The following ALK variants were observed in gnomAD, a reference collection of about 807,000 sequenced individuals.
ALK encodes the protein ALK receptor tyrosine kinase.
Under a neutral mutation model 163.1 loss-of-function variants are expected in ALK, and 74 were observed. The observed-to-expected ratio is 0.45, with a 90% CI of 0.38 to 0.55. The LOEUF (loss-of-function observed/expected upper bound fraction) is 0.55, where lower values mean the gene tolerates loss of function less well. Ranked by LOEUF, ALK falls within the 20% of genes least tolerant of loss-of-function variation. The pLI is 0.00. For missense variants in ALK, 2,063 were observed against 2,105.3 expected, an observed-to-expected ratio of 0.98 and a Z score of 0.39; for synonymous variants, 960 against 843.2, an observed-to-expected ratio of 1.14 and a Z score of -2.40.
chr2:29,885,656 G>C (rs780586173), intron 1 of ALK, among the ~76,000 whole-genome samples: 2 of 151,884 alleles, frequency 1.3e-5, no homozygotes, highest in Non-Finnish European at 2.9e-5. Context: ...GGAATTAACA[G>C]AAAATGACTT....
At chr2:29,817,205 AC>A (rs1262658951) in intron 1 of ALK, among the ~76,000 whole-genome samples, 3 of 149,158 alleles carry the variant, frequency 2.0e-5, no homozygotes, top group African/African-American at 7.4e-5. Flanking sequence ...GGTGTGTCAC[AC>A]TAAGCGGTGG....
intron 4 of ALK, among the ~76,000 whole-genome samples, chr2:29,393,722 G>A (rs1669237046): frequency 6.6e-6 from 1 of 152,236 alleles, no homozygotes; most frequent in African/African-American, 2.4e-5. Flanking sequence ...TGTCCAGAGT[G>A]ACCCTTGTGA....
intron 4 of ALK, among the ~76,000 whole-genome samples, chr2:29,517,827 G>T (rs116151964): frequency 5.1e-4 from 78 of 152,284 alleles, no homozygotes; most frequent in African/African-American, 1.7e-3. Context: ...ACTTCTGGCC[G>T]TATGATTTGT....
chr2:29,430,744 T>A (rs1670253626), intron 4 of ALK, among the ~76,000 whole-genome samples: 1 of 152,206 alleles, frequency 6.6e-6, no homozygotes, highest in Admixed American at 6.5e-5. Flanking sequence ...ATGAATACTG[T>A]TTAATGAATG....
intron 4 of ALK, among the ~76,000 whole-genome samples, chr2:29,484,983 T>C (rs971097870): frequency 1.3e-5 from 2 of 152,224 alleles, no homozygotes; most frequent in East Asian, 1.9e-4. Context: ...CTTTTGATAA[T>C]CTAAAGTTTC....
At chr2:29,807,120 A>G (rs903278646) in intron 1 of ALK, among the ~76,000 whole-genome samples, 2 of 152,306 alleles carry the variant, frequency 1.3e-5, no homozygotes, top group Non-Finnish European at 2.9e-5. Flanking sequence ...AAGCCCACAA[A>G]TAGTGCCTTG....
At chr2:29,687,803 C>T (rs2148283942) in intron 3 of ALK, among the ~76,000 whole-genome samples, 1 of 152,090 alleles carries the variant, frequency 6.6e-6, no homozygotes, top group Admixed American at 6.5e-5. Flanking sequence ...AAATATTTCC[C>T]CATATTATTC....
intron 4 of ALK, among the ~76,000 whole-genome samples, chr2:29,476,631 T>C (rs1187125631): frequency 2.0e-5 from 3 of 151,030 alleles, no homozygotes; most frequent in Non-Finnish European, 4.4e-5. Flanking sequence ...AGTTTCCCGG[T>C]GGAGAAGGAG....
chr2:29,204,431 G>T (rs1669262385), intron 26 of ALK, among the ~76,000 whole-genome samples: 1 of 152,140 alleles, frequency 6.6e-6, no homozygotes, highest in African/African-American at 2.4e-5. Flanking sequence ...TGAGAATCTG[G>T]TCAGGGATTT....
chr2:29,226,700 G>T (rs1297972051), intron 18 of ALK, among the ~76,000 whole-genome samples: 1 of 152,132 alleles, frequency 6.6e-6, no homozygotes, highest in Non-Finnish European at 1.5e-5. Context: ...GGTGGGGGTG[G>T]TAGAGGGCTT....
chr2:29,870,416 T>C (rs1206964226), intron 1 of ALK, among the ~76,000 whole-genome samples: 1 of 152,038 alleles, frequency 6.6e-6, no homozygotes, highest in Non-Finnish European at 1.5e-5. Context: ...TCATAAGAAC[T>C]CACACACTAT....
At chr2:29,620,260 G>C (rs1427510406) in intron 3 of ALK, among the ~76,000 whole-genome samples, 2 of 152,044 alleles carry the variant, frequency 1.3e-5, no homozygotes, top group African/African-American at 4.8e-5. Context: ...GGGCTGTGAG[G>C]GAAGGATCCA....
At chr2:29,818,210 A>G (rs1664950067) in intron 1 of ALK, among the ~76,000 whole-genome samples, 2 of 152,214 alleles carry the variant, frequency 1.3e-5, no homozygotes, top group South Asian at 2.1e-4. Flanking sequence ...GGATTATACA[A>G]ACACCTGCAT....
intron 5 of ALK, among the ~76,000 whole-genome samples, chr2:29,358,226 G>A (rs1046834386): frequency 2.0e-5 from 3 of 152,136 alleles, no homozygotes; most frequent in Non-Finnish European, 4.4e-5. Flanking sequence ...ACCAAGACAG[G>A]CCTTCCACTC....
rs373693980 is a variant in ALK at position 29,196,874 on chromosome 2, C to T, written c.4074-14G>A. 2.6e-5 allele frequency: 42 copies of T among 1,590,870 alleles called. No homozygotes were observed. The African/African-American group carries it at 4.4e-4, about 17-fold the overall frequency. The stretch of plus-strand genomic sequence containing the variant: ...ATTATCCGGTATCTAAAAGAAGAAG[C>T]ACATTAATTAAAATAAGGAGAAGCA... On this transcript the variant is annotated splice_polypyrimidine_tract_variant and intron_variant, in intron 27 of 28. Coordinates refer to ENST00000389048, the MANE Select transcript of ALK (RefSeq NM_004304.5).
At chr2:29,889,372 C>G (rs4281863) in intron 1 of ALK, among the ~76,000 whole-genome samples, 7 of 151,850 alleles carry the variant, frequency 4.6e-5, no homozygotes, top group African/African-American at 1.7e-4. Context: ...AGGAATGATA[C>G]CATTCAAAGC....
chr2:29,642,075 A>G (rs572644672), intron 3 of ALK, among the ~76,000 whole-genome samples: 15 of 152,296 alleles, frequency 9.8e-5, no homozygotes, highest in South Asian at 2.1e-4. Context: ...TGTCTTCAAA[A>G]GTCTAGGACA....
chr2:29,584,295 A>G (rs1464988685), intron 3 of ALK, among the ~76,000 whole-genome samples: 1 of 152,256 alleles, frequency 6.6e-6, no homozygotes, highest in Non-Finnish European at 1.5e-5. Flanking sequence ...CCCTAATTTT[A>G]AAGGCAATGC....
chr2:29,446,212 G>C (rs1261026864), intron 4 of ALK, among the ~76,000 whole-genome samples: 1 of 151,108 alleles, frequency 6.6e-6, no homozygotes. Flanking sequence ...CAGCAAATAG[G>C]GACATTTTAC....
Sources: allele counts gnomAD v4.1 joint callset (sites outside exome capture counted in the v4.1 genomes callset), GRCh38; gene constraint gnomAD v4.1.1; transcripts MANE v1.5; gene names NCBI Gene and HGNC (gene_info 2026-07-23, HGNC 2026-07-21).